Variants in MARCHF6 observed in about 807,000 individuals in gnomAD.
The protein encoded by MARCHF6 is E3 ubiquitin-protein ligase MARCHF6.
MARCHF6 carries 31 observed loss-of-function variants against 133.7 expected under a neutral mutation model. The ratio of observed to expected loss-of-function variants is 0.23; its 90% CI spans 0.17 to 0.31. The LOEUF is 0.31. Ranked by LOEUF, MARCHF6 falls within the 10% of genes least tolerant of loss-of-function variation. MARCHF6 has a pLI of 1.00. For synonymous variants in MARCHF6, 395 were observed against 402.5 expected, an observed-to-expected ratio of 0.98 and a Z score of 0.22; for missense variants, 723 against 1,121.6, an observed-to-expected ratio of 0.64 and a Z score of 5.08.
At chr5:10,392,001 C>T (rs1445149386) in intron 7 of MARCHF6, among the ~76,000 whole-genome samples, 5 of 151,178 alleles carry the variant, frequency 3.3e-5, no homozygotes, top group Non-Finnish European at 7.4e-5. Context: ...CTCTGTCGCC[C>T]AGGCTGGAGT....
chr5:10,360,680 G>C (rs1735769360), intron 1 of MARCHF6, among the ~76,000 whole-genome samples: 1 of 152,184 alleles, frequency 6.6e-6, no homozygotes, highest in African/African-American at 2.4e-5. Context: ...ATTTCTGGAA[G>C]CTACAATCTC....
At chr5:10,432,085 G>A (rs1740400096) in intron 25 of MARCHF6, among the ~76,000 whole-genome samples, 1 of 152,196 alleles carries the variant, frequency 6.6e-6, no homozygotes, top group African/African-American at 2.4e-5. Context: ...TTTTAAAAAA[G>A]TGACATATTA....
At position 10,434,022 on chromosome 5, in the gene MARCHF6, G is replaced by A. The variant is rs1318483677; in HGVS notation, c.*338G>A. The A allele has an allele frequency of 1.6e-5, 4 of 257,170 alleles. No individual in the cohort carries two copies. In the East Asian group the frequency reaches 4.3e-4, roughly 28 times the overall value. 15.9% of individuals were successfully genotyped at this position (257,170 alleles called of 1,614,324 possible). On this transcript the variant is annotated 3_prime_UTR_variant, in exon 26 of 26. Coordinates refer to ENST00000274140, the MANE Select transcript of MARCHF6 (RefSeq NM_005885.4). Reference sequence around the variant, plus strand: ...TTTATTTTGGACCTGCTGTGATCTCGACAGGAAACGTGCCACAGAGCAGTA... The same window carrying A: ...TTTATTTTGGACCTGCTGTGATCTCAACAGGAAACGTGCCACAGAGCAGTA...
At chr5:10,420,094 C>G (rs879628382) in intron 22 of MARCHF6, among the ~76,000 whole-genome samples, 1 of 151,992 alleles carries the variant, frequency 6.6e-6, no homozygotes, top group Non-Finnish European at 1.5e-5. Flanking sequence ...ACTGGAGCTC[C>G]TATATGTGCC....
intron 1 of MARCHF6, among the ~76,000 whole-genome samples, chr5:10,374,322 T>G: frequency 6.6e-6 from 1 of 152,224 alleles, no homozygotes; most frequent in East Asian, 1.9e-4. Flanking sequence ...TCCTGGCAGT[T>G]AAAATGCTTG....
At chr5:10,392,222 C>T (rs1432165956) in intron 7 of MARCHF6, among the ~76,000 whole-genome samples, 2 of 152,146 alleles carry the variant, frequency 1.3e-5, no homozygotes, top group Non-Finnish European at 1.5e-5. Context: ...CTCCAAAGTG[C>T]TGGGATTACA....
At chr5:10,373,292 A>T (rs1378207235) in intron 1 of MARCHF6, among the ~76,000 whole-genome samples, 1 of 152,030 alleles carries the variant, frequency 6.6e-6, no homozygotes, top group Non-Finnish European at 1.5e-5. Context: ...GCCCTAATTC[A>T]TGTGTGTGTC....
chr5:10,439,458 T>G lies in MARCHF6; in HGVS notation c.*5774T>G, dbSNP rs1286531855. The stretch of plus-strand genomic sequence containing the variant: ...TCGATAAATTGTACTTTATCAAAAT[T>G]GAGAACTTCTCTTTGAAAGGTACCA... On this transcript the variant is annotated 3_prime_UTR_variant, in exon 26 of 26. Coordinates refer to ENST00000274140, the MANE Select transcript of MARCHF6 (RefSeq NM_005885.4). 2 of 152,166 alleles carry G rather than the reference T, an allele frequency of 1.3e-5. No homozygotes were observed. The highest frequency in any genetic ancestry group is 4.8e-5 in the African/African-American group (2 of 41,436). The allele number at this position is 152,166 out of a possible 1,614,324, so 9.4% of individuals were successfully genotyped here.
intron 22 of MARCHF6, among the ~76,000 whole-genome samples, chr5:10,421,740 G>A (rs1025519492): frequency 2.0e-5 from 3 of 152,182 alleles, no homozygotes; most frequent in African/African-American, 7.2e-5. Context: ...TTGGTGGGTT[G>A]TTGCATCTTC....
chr5:10,395,327 G>A (rs1738127358), intron 9 of MARCHF6, among the ~76,000 whole-genome samples: 1 of 152,104 alleles, frequency 6.6e-6, no homozygotes, highest in African/African-American at 2.4e-5. Context: ...AAAGTTAATG[G>A]TAGTTAAAAA....
intron 1 of MARCHF6, among the ~76,000 whole-genome samples, chr5:10,364,128 G>A (rs374905987): frequency 1.1e-4 from 16 of 152,218 alleles, no homozygotes; most frequent in East Asian, 5.8e-4. Context: ...TAAAACTACT[G>A]TGAGATATCA....
intron 6 of MARCHF6, 105 bp from the exon 7 acceptor site, chr5:10,391,437 T>TTTTG (rs1491454443): frequency 3.9e-4 from 18 of 45,898 alleles, no homozygotes; most frequent in African/African-American, 2.0e-3. Flanking sequence ...CTGGCCTAGG[T>TTTTG]TTTTTTTTTT....
chr5:10,378,749 A>G lies in MARCHF6; in HGVS notation c.117-10A>G, dbSNP rs1464499516. On this transcript the variant is annotated splice_polypyrimidine_tract_variant and intron_variant, in intron 2 of 25. Coordinates refer to ENST00000274140, the MANE Select transcript of MARCHF6 (RefSeq NM_005885.4). ...AAACACTGTACTTATGAATCTATTT[A>G]TAATTACAGCTTAGTTCAATGGCTG... is the stretch of plus-strand genomic sequence containing the variant. The G allele has an allele frequency of 2.6e-6, 4 of 1,543,380 alleles. No individual in the cohort carries two copies. Among genetic ancestry groups the G allele is most frequent in the Non-Finnish European group, 3.6e-6 (4 of 1,118,836 alleles).
At chr5:10,362,578 G>A (rs2126647560) in intron 1 of MARCHF6, among the ~76,000 whole-genome samples, 1 of 152,308 alleles carries the variant, frequency 6.6e-6, no homozygotes, top group Admixed American at 6.5e-5. Context: ...CTCAATATAT[G>A]TTAATAAAAA....
intron 22 of MARCHF6, among the ~76,000 whole-genome samples, chr5:10,418,314 C>T (rs932678033): frequency 4.0e-5 from 6 of 148,658 alleles, no homozygotes; most frequent in East Asian, 2.0e-4. Context: ...TGGGAGGCCG[C>T]GGTTGCAGTG....
At chr5:10,406,962 T>C (rs944805984) in intron 16 of MARCHF6, 140 bp from the exon 17 acceptor site, 5 of 477,060 alleles carry the variant, frequency 1.0e-5, no homozygotes, top group African/African-American at 9.9e-5. Flanking sequence ...TCAAAGATAA[T>C]GTGTAGAGTG....
chr5:10,373,305 C>T (rs1158269691), intron 1 of MARCHF6, among the ~76,000 whole-genome samples: 3 of 152,134 alleles, frequency 2.0e-5, no homozygotes, highest in Non-Finnish European at 1.5e-5. Context: ...TGTGTGTCTA[C>T]ATCCTTCTAA....
chr5:10,354,098 C>G, intron 1 of MARCHF6, 181 bp downstream of exon 1: 1 of 461,440 alleles, frequency 2.2e-6, no homozygotes, highest in East Asian at 4.0e-5. Context: ...CGCCCCCCGC[C>G]GTTTCCCGCC....
intron 2 of MARCHF6, 88 bp from the exon 3 acceptor site, chr5:10,378,671 A>G (rs1021550071): frequency 1.2e-6 from 1 of 846,648 alleles, no homozygotes. Context: ...TGTGATATAT[A>G]CATTTTTAAT....
Sources: gnomAD v4.1 joint callset for allele counts (sites outside exome capture counted in the v4.1 genomes callset) on GRCh38, gnomAD v4.1.1 for gene constraint, MANE v1.5 for transcripts, NCBI Gene and HGNC (gene_info 2026-07-23, HGNC 2026-07-21) for gene names.